Variants in TMF1 observed in about 807,000 individuals in gnomAD.
TMF1 encodes TATA element modulatory factor 1, also known as TATA element modulatory factor.
In TMF1, 71 loss-of-function variants were observed where a neutral mutation model predicts 126.5. That is an observed-to-expected ratio of 0.56 (90% CI 0.46 to 0.68). TMF1 has a LOEUF of 0.68. TMF1 is among the 30% of genes least tolerant of loss of function. The pLI is 0.00. For missense variants in TMF1, 1,259 were observed against 1,253.2 expected (o/e 1.00, Z -0.07); for synonymous variants, 461 against 430.5 (o/e 1.07, Z -0.88).
intron 2 of TMF1, among the ~76,000 whole-genome samples, chr3:69,046,023 A>G (rs931697910): frequency 1.3e-5 from 2 of 151,894 alleles, no homozygotes; most frequent in African/African-American, 4.8e-5. Context: ...ACCACTGCAC[A>G]CCAGCCTGAG....
At chr3:69,046,932 G>A (rs1028906714) in intron 2 of TMF1, among the ~76,000 whole-genome samples, 4 of 152,098 alleles carry the variant, frequency 2.6e-5, no homozygotes, top group African/African-American at 7.2e-5. Context: ...TACAAATAAT[G>A]TAAACATGTA....
chr3:69,051,877 C>T lies in TMF1; in HGVS notation c.142+68G>A, dbSNP rs2091931934. On this transcript the variant is annotated intron_variant, in intron 1 of 16. Transcript: ENST00000398559. ...CAAGGAAGGACCCCTCTCTACACCA[C>T]TTAACCTGCCTGCATCAAGAGAACA... 13 of 1,575,018 alleles carry T rather than the reference C, an allele frequency of 8.3e-6. No homozygotes were observed. The Admixed American group carries it at 1.1e-4, about 13-fold the overall frequency.
Position 69,043,884 on chromosome 3 carries a change from T to A in TMF1, c.1452-8A>T. ...TTCACTCTGAACATTTCACTAAATTTAAAATAATATTTGAGAATGAGGATG... is the reference window on the plus strand; with the variant it reads ...TTCACTCTGAACATTTCACTAAATTAAAAATAATATTTGAGAATGAGGATG... On this transcript the variant is annotated splice_polypyrimidine_tract_variant and splice_region_variant and intron_variant, in intron 3 of 16. Transcript: ENST00000398559. The A allele has an allele frequency of 6.3e-7, 1 of 1,593,166 alleles. No individual in the cohort carries two copies. Among genetic ancestry groups the A allele is most frequent in the East Asian group, 2.2e-5 (1 of 44,594 alleles).
At chr3:69,044,227 A>G (rs2091882953) in intron 3 of TMF1, among the ~76,000 whole-genome samples, 1 of 152,182 alleles carries the variant, frequency 6.6e-6, no homozygotes, top group South Asian at 2.1e-4. Flanking sequence ...AGTTTTCTTC[A>G]AATACGTTTT....
rs748069966 is a variant in TMF1 at position 69,038,936 on chromosome 3, C to T, written c.1901G>A (p.Arg634His). ...AAGACGGCCAAGATCTTTCTCTTGGCGTTCTACCATGGAATTTAGTTTTTT... is the reference window on the plus strand; with the variant it reads ...AAGACGGCCAAGATCTTTCTCTTGGTGTTCTACCATGGAATTTAGTTTTTT... ...NIKKLNSMVERQEKDLGRLQV... is the reference protein window; with the variant it reads ...NIKKLNSMVEHQEKDLGRLQV... The change falls in exon 7 of 17, where the codon CGC (arginine) becomes CAC (histidine). Residue 634 changes from arginine (R) to histidine (H), a missense_variant. By Grantham distance (29) the Arg-to-His change is conservative. Coordinates refer to ENST00000398559, the MANE Select transcript of TMF1 (RefSeq NM_007114.3). 7.4e-6 allele frequency: 12 copies of T among 1,611,140 alleles called. No individual in the cohort carries two copies. Among genetic ancestry groups the T allele is most frequent in the East Asian group, 2.2e-5 (1 of 44,846 alleles).
rs1273431279 is a variant in TMF1, at chr3:69,025,999, A to C, written c.2856T>G (p.Ser952=). The C allele has an allele frequency of 1.9e-6, 3 of 1,606,936 alleles. No individual in the cohort carries two copies. In the African/African-American group the frequency reaches 4.0e-5, roughly 22 times the overall value. The part of the protein sequence containing the change: ...DMAGLQTSFL[S]QDESHDHSFG... ...CATATAAAAAATAAAACATCACCTG[A>C]GACAGAAAAGATGTCTGTAGTCCTG... Residue 952 remains serine, a synonymous_variant, in exon 14 of 17, where the codon TCT becomes TCG. Transcript: ENST00000398559.
At chr3:69,028,176 C>T (rs752701615) in intron 12 of TMF1, 50 bp downstream of exon 12, 20 of 1,500,356 alleles carry the variant, frequency 1.3e-5, no homozygotes, top group African/African-American at 1.4e-5. Context: ...CCATCCCCAA[C>T]CATTCTCTAA....
intron 5 of TMF1, among the ~76,000 whole-genome samples, chr3:69,042,112 C>CT (rs1164960761): frequency 2.0e-5 from 3 of 152,156 alleles, no homozygotes; most frequent in Non-Finnish European, 2.9e-5. Flanking sequence ...TCTTGGCTCA[C>CT]TGCAACCTCC....
chr3:69,023,113 C>A lies in TMF1; in HGVS notation c.*64G>T, dbSNP rs983809809. On this transcript the variant is annotated 3_prime_UTR_variant, in exon 17 of 17. Transcript: ENST00000398559. ...TTCTATAAAAGAATTTATTGGAAGT[C>A]CACATTAAATGTTTAGATATTAAAT... The A allele has an allele frequency of 1.3e-5, 18 of 1,422,922 alleles. No homozygotes were observed. Among genetic ancestry groups the A allele is most frequent in the Non-Finnish European group, 1.7e-5 (18 of 1,041,782 alleles). 88.1% of individuals were successfully genotyped at this position (1,422,922 alleles called of 1,614,324 possible).
Position 69,033,640 on chromosome 3 carries a change from G to A in TMF1, c.2309C>T (p.Pro770Leu), listed in dbSNP as rs1165780952. Reference sequence around the variant, plus strand: ...CAAATTTTCTATTTGTCGAAGCAATGGTCTTGTTGTTGATGAAACACTTTG... The same window carrying A: ...CAAATTTTCTATTTGTCGAAGCAATAGTCTTGTTGTTGATGAAACACTTTG... ...LSQSVSSTTRPLLRQIENLQA... is the reference protein window; with the variant it reads ...LSQSVSSTTRLLLRQIENLQA... The change falls in exon 10 of 17, where the codon CCA (proline) becomes CTA (leucine). Residue 770 changes from proline (P) to leucine (L), a missense_variant. By Grantham distance (98) the Pro-to-Leu change is moderately conservative. Transcript: ENST00000398559. The A allele has an allele frequency of 1.2e-6, 2 of 1,613,882 alleles. No homozygotes were observed. Among genetic ancestry groups the A allele is most frequent in the Non-Finnish European group, 1.7e-6 (2 of 1,179,960 alleles).
At chr3:69,032,308 T>C (rs535427964) in intron 10 of TMF1, among the ~76,000 whole-genome samples, 4 of 152,182 alleles carry the variant, frequency 2.6e-5, no homozygotes, top group Admixed American at 1.3e-4. Context: ...TGGAACAATA[T>C]AAGTGACTTG....
rs2091909185 is a variant in TMF1 at position 69,048,513 on chromosome 3, C to G, written c.192G>C (p.Leu64Phe). The change falls in exon 2 of 17, where the codon TTG (leucine) becomes TTC (phenylalanine). Residue 64 changes from leucine (L) to phenylalanine (F), a missense_variant. Coordinates refer to ENST00000398559, the MANE Select transcript of TMF1 (RefSeq NM_007114.3). ...GACTCTGAGGTTCAGTGTTTGATTT[C>G]AACCCCCAGGTTGAAGTATCCCATC... ...SGGWDTSTWG[L>F]KSNTEPQSPP... 1 of 1,613,552 alleles carries G rather than the reference C, an allele frequency of 6.2e-7. No homozygotes were observed. The highest frequency in any genetic ancestry group is 1.1e-5 in the South Asian group (1 of 91,014).
rs769213445 is a variant in TMF1 at position 69,048,516 on chromosome 3, C to G, written c.189G>C (p.Gly63=). The part of the protein sequence containing the change: ...VSGGWDTSTW[G]LKSNTEPQSP... ...TCTGAGGTTCAGTGTTTGATTTCAA[C>G]CCCCAGGTTGAAGTATCCCATCCTC... The change falls in exon 2 of 17, where the codon GGG becomes GGC. Residue 63 remains glycine (G), a synonymous_variant. Coordinates refer to ENST00000398559, the MANE Select transcript of TMF1 (RefSeq NM_007114.3). 3 of 1,613,300 alleles carry G rather than the reference C, an allele frequency of 1.9e-6. No homozygotes were observed. The highest frequency in any genetic ancestry group is 1.7e-5 in the Admixed American group (1 of 59,916).
chr3:69,047,613 A>G lies in TMF1; in HGVS notation c.1092T>C (p.Thr364=). 1.2e-6 allele frequency: 2 copies of G among 1,614,092 alleles called. No individual in the cohort carries two copies. The highest frequency in any genetic ancestry group is 1.7e-6 in the Non-Finnish European group (2 of 1,180,030). ...ALVPIIVNSS[T]PKSKTVESAE... Reference sequence around the variant, plus strand: ...CAGATTCAACTGTTTTAGACTTTGGAGTTGAAGAATTAACTATAATAGGCA... The same window carrying G: ...CAGATTCAACTGTTTTAGACTTTGGGGTTGAAGAATTAACTATAATAGGCA... Residue 364 remains threonine, a synonymous_variant, in exon 2 of 17, where the codon ACT becomes ACC. Transcript: ENST00000398559.
chr3:69,046,452 T>C (rs1056470228), intron 2 of TMF1, among the ~76,000 whole-genome samples: 2 of 152,208 alleles, frequency 1.3e-5, no homozygotes, highest in African/African-American at 4.8e-5. Flanking sequence ...CTATTACTAA[T>C]TGAAATATTA....
chr3:69,051,853 A>G, intron 1 of TMF1, 92 bp downstream of exon 1: 1 of 1,410,350 alleles, frequency 7.1e-7, no homozygotes, highest in East Asian at 2.5e-5. Flanking sequence ...CTCTCTCAGC[A>G]AGGAAGGACC....
intron 5 of TMF1, chr3:69,042,594 T>C (rs2091873552): frequency 4.6e-6 from 3 of 657,316 alleles, no homozygotes; most frequent in South Asian, 1.5e-5. Flanking sequence ...TACTTTTCTT[T>C]TTACTTCCAA....
intron 1 of TMF1, among the ~76,000 whole-genome samples, chr3:69,051,140 C>T (rs962877972): frequency 6.6e-6 from 1 of 152,114 alleles, no homozygotes; most frequent in African/African-American, 2.4e-5. Flanking sequence ...ATGTAAAACA[C>T]GGATATAAAC....
chr3:69,035,205 T>C (rs1192720953), intron 8 of TMF1, 90 bp from the exon 9 acceptor site: 2 of 1,055,232 alleles, frequency 1.9e-6, no homozygotes, highest in African/African-American at 3.1e-5. Context: ...TGTGTCAACA[T>C]TGTTCATGTA....
Sources: gnomAD v4.1 joint callset for allele counts (sites outside exome capture counted in the v4.1 genomes callset) on GRCh38, gnomAD v4.1.1 for gene constraint, MANE v1.5 for transcripts, NCBI Gene and HGNC (gene_info 2026-07-23, HGNC 2026-07-21) for gene names.